The following NCR1 variants were observed in gnomAD, a reference collection of about 807,000 sequenced individuals.
NCR1 encodes NK cell-activating receptor.
In NCR1, 30 loss-of-function variants were observed where a neutral mutation model predicts 32.5. The ratio of observed to expected loss-of-function variants is 0.92; its 90% CI spans 0.69 to 1.25. NCR1 has a LOEUF of 1.25. Among genes scored for constraint, NCR1 ranks in the 50% most tolerant of loss-of-function variants. The probability of loss-of-function intolerance (pLI) is 0.00; values close to 1 mark genes in which losing one functional copy is unlikely to be tolerated. For missense variants in NCR1, 369 were observed against 380.7 expected (o/e 0.97, Z 0.26); for synonymous variants, 169 against 143.4 (o/e 1.18, Z -1.28).
chr19:54,934,462 A>G, the NCR1 span: 1 of 1,612,868 alleles, frequency 6.2e-7, no homozygotes, highest in Non-Finnish European at 8.5e-7. The surrounding 1 kb of genome is among the most constrained non-coding windows in gnomAD (Gnocchi z 6.7). Context: ...ACTAAACCAG[A>G]GCTGCCCATG....
the NCR1 span, among the ~76,000 whole-genome samples, chr19:54,928,885 C>T: frequency 2.0e-4 from 30 of 152,000 alleles, no homozygotes; most frequent in Non-Finnish European, 1.9e-4. Context: ...TCACTGCAAC[C>T]TCCGCCTCCT....
Position 54,909,319 on chromosome 19 carries a change from T to G in NCR1, c.430T>G (p.Cys144Gly), listed in dbSNP as rs753994232. The change falls in exon 4 of 7, where the codon TGC becomes GGC. Residue 144 changes from cysteine (C) to glycine (G), a missense_variant. Coordinates refer to ENST00000291890, the MANE Select transcript of NCR1 (RefSeq NM_004829.7). ...CTCGGGAGAGAAGGTGACCTTCTACTGCCGTCTAGACACTGCAACAAGCAT... is the reference window on the plus strand; with the variant it reads ...CTCGGGAGAGAAGGTGACCTTCTACGGCCGTCTAGACACTGCAACAAGCAT... ...VISGEKVTFY[C>G]RLDTATSMFL... 6.2e-7 allele frequency: 1 copy of G among 1,614,146 alleles called. No individual in the cohort carries two copies. The highest frequency in any genetic ancestry group is 1.1e-5 in the South Asian group (1 of 91,076).
intron 5 of NCR1, among the ~76,000 whole-genome samples, chr19:54,910,269 C>T (rs991787491): frequency 6.6e-6 from 1 of 152,076 alleles, no homozygotes; most frequent in Non-Finnish European, 1.5e-5. Flanking sequence ...AACCCTGTCT[C>T]TACTAAAAAT....
At chr19:54,903,274 A>ATATG (rs1556716326), upstream of NCR1, among the ~76,000 whole-genome samples, 1 of 149,902 alleles carries the variant, frequency 6.7e-6, no homozygotes, top group Non-Finnish European at 1.5e-5. Flanking sequence ...ATGTATATAT[A>ATATG]TATGTATATA....
chr19:54,901,826 G>T (rs2067307357), upstream of NCR1, among the ~76,000 whole-genome samples: 1 of 152,132 alleles, frequency 6.6e-6, no homozygotes, highest in African/African-American at 2.4e-5. Flanking sequence ...AAATTAGCTG[G>T]GCGTGGTTGT....
chr19:54,918,557 A>G (rs2068180119), downstream of NCR1, among the ~76,000 whole-genome samples: 1 of 151,964 alleles, frequency 6.6e-6, no homozygotes, highest in African/African-American at 2.4e-5. Context: ...TACAGGCGTG[A>G]GCGACCACAC....
upstream of NCR1, among the ~76,000 whole-genome samples, chr19:54,903,160 G>C (rs2067331218): frequency 1.3e-5 from 2 of 151,502 alleles, no homozygotes; most frequent in Admixed American, 6.6e-5. Context: ...TAGCACATTT[G>C]TTTGCCTCAA....
At chr19:54,935,074 G>A in the NCR1 span, among the ~76,000 whole-genome samples, 2 of 152,032 alleles carry the variant, frequency 1.3e-5, no homozygotes, top group African/African-American at 4.8e-5. Context: ...CTCCAACCCT[G>A]GCCTGAATTA....
chr19:54,924,570 G>A, the NCR1 span, among the ~76,000 whole-genome samples: 1 of 152,174 alleles, frequency 6.6e-6, no homozygotes, highest in African/African-American at 2.4e-5. Flanking sequence ...GTTGCAACGA[G>A]CTAGAGATTG....
chr19:54,917,507 AT>A (rs1342471399), downstream of NCR1, among the ~76,000 whole-genome samples: 1 of 151,726 alleles, frequency 6.6e-6, no homozygotes, highest in Non-Finnish European at 1.5e-5. Flanking sequence ...TTTAGTGGAG[AT>A]GGGGGTTTTA....
the NCR1 span, chr19:54,933,625 C>T: frequency 6.8e-6 from 11 of 1,614,084 alleles, no homozygotes; most frequent in African/African-American, 1.3e-4. Context: ...GAAACTTCAC[C>T]CCTGTATCCC....
Position 54,912,219 on chromosome 19 carries a change from G to C in NCR1, c.733+1G>C. 1 of 1,613,766 alleles carries C rather than the reference G, an allele frequency of 6.2e-7. No individual in the cohort carries two copies. The highest frequency in any genetic ancestry group is 8.5e-7 in the Non-Finnish European group (1 of 1,179,724). ...ACCACAGAGACGGGACTCCAGAAAG[G>C]TAAGTAGACAGCTGGGGCCATAGGC... is the stretch of plus-strand genomic sequence containing the variant. On this transcript the variant is annotated splice_donor_variant, in intron 6 of 6. Transcript: ENST00000291890. LOFTEE classifies it high-confidence loss of function.
the NCR1 span, chr19:54,934,638 G>A: frequency 9.9e-6 from 16 of 1,613,628 alleles, no homozygotes; most frequent in Non-Finnish European, 1.4e-5. This position sits in a 1 kb window ranked among gnomAD's most constrained non-coding sequence, Gnocchi z 6.7. Context: ...ACTGCTCCGG[G>A]GTGGCACAGT....
chr19:54,928,206 T>C, the NCR1 span, among the ~76,000 whole-genome samples: 11 of 152,204 alleles, frequency 7.2e-5, no homozygotes, highest in East Asian at 2.1e-3. Context: ...GGCAATAGAA[T>C]GAGACTCCAT....
intron 3 of NCR1, among the ~76,000 whole-genome samples, chr19:54,907,369 T>C (rs1426312497): frequency 4.7e-5 from 7 of 149,934 alleles, no homozygotes; most frequent in African/African-American, 1.7e-4. Flanking sequence ...CAGGGTGGTG[T>C]CGAACTCCTG....
At chr19:54,937,695 C>T in the NCR1 span, among the ~76,000 whole-genome samples, 3 of 151,916 alleles carry the variant, frequency 2.0e-5, no homozygotes, top group Non-Finnish European at 4.4e-5. Context: ...GTCAGGAGCT[C>T]GAGATCAGCC....
chr19:54,903,452 A>ACGCG (rs1491124379), upstream of NCR1, among the ~76,000 whole-genome samples: 3 of 109,128 alleles, frequency 2.7e-5, no homozygotes, highest in Admixed American at 1.2e-4. Flanking sequence ...GTATGTATAT[A>ACGCG]CATATATGTA....
chr19:54,919,861 T>C (rs570970283), downstream of NCR1, among the ~76,000 whole-genome samples: 62 of 152,232 alleles, frequency 4.1e-4, no homozygotes, highest in Admixed American at 1.2e-3. Flanking sequence ...AGGAGCCCTC[T>C]GGTGGCCCTG....
chr19:54,927,381 C>T, the NCR1 span, among the ~76,000 whole-genome samples: 1 of 138,772 alleles, frequency 7.2e-6, no homozygotes, highest in African/African-American at 2.7e-5. Context: ...AACTCCGTCT[C>T]AAAAAAAAAA....
Sources: allele counts gnomAD v4.1 joint callset (sites outside exome capture counted in the v4.1 genomes callset), GRCh38; gene constraint gnomAD v4.1.1; non-coding constraint Gnocchi (gnomAD v3.1); transcripts MANE v1.5; gene names NCBI Gene and HGNC (gene_info 2026-07-23, HGNC 2026-07-21).